Variants in FAXC observed in about 807,000 individuals in gnomAD.
FAXC encodes the protein failed axon connections homolog.
A neutral mutation model predicts 41.9 loss-of-function variants in FAXC; 10 were observed. The observed-to-expected ratio is 0.24, with a 90% CI of 0.15 to 0.41. The LOEUF (loss-of-function observed/expected upper bound fraction) is 0.41. Ranked by LOEUF, FAXC falls within the 10% of genes least tolerant of loss-of-function variation. FAXC has a pLI of 1.00. For missense variants in FAXC, 399 were observed against 510.9 expected, an observed-to-expected ratio of 0.78 and a Z score of 2.11; for synonymous variants, 183 against 183.8, an observed-to-expected ratio of 1.00 and a Z score of 0.03.
rs950763918 is a variant in FAXC at position 99,272,247 on chromosome 6, C to G, written c.*8917G>C. The G allele has an allele frequency of 6.6e-6, 1 of 151,674 alleles. No individual in the cohort carries two copies. The highest frequency in any genetic ancestry group is 6.6e-5 in the Admixed American group (1 of 15,126). The allele number at this position is 151,674 out of a possible 1,614,324, so 9.4% of individuals were successfully genotyped here. On this transcript the variant is annotated 3_prime_UTR_variant, in exon 6 of 6. Transcript: ENST00000389677. ...GCTGGAGTCAATGGCACAAAGTCAG[C>G]TCACTGCAGCCTCCACCTCCTGGGT...
At chr6:99,348,370 A>T (rs1205191846) in intron 1 of FAXC, among the ~76,000 whole-genome samples, 1 of 152,228 alleles carries the variant, frequency 6.6e-6, no homozygotes, top group African/African-American at 2.4e-5. Flanking sequence ...TGGATGTACC[A>T]ACAGCAGGGG....
rs1770776250 is a variant in FAXC, at chr6:99,280,225, C to A, written c.*939G>T. 1 of 152,130 alleles carries A rather than the reference C, an allele frequency of 6.6e-6. No homozygotes were observed. The highest frequency in any genetic ancestry group is 2.4e-5 in the African/African-American group (1 of 41,434). 9.4% of individuals were successfully genotyped at this position (152,130 alleles called of 1,614,324 possible). On this transcript the variant is annotated 3_prime_UTR_variant, in exon 6 of 6. Coordinates refer to ENST00000389677, the MANE Select transcript of FAXC (RefSeq NM_032511.4). ...AATTTGTAAAAACATTTCCAATGTT[C>A]TTTGAACAAAAGATTTTGATTCAGC...
chr6:99,289,352 T>TA (rs1338032268), intron 5 of FAXC, among the ~76,000 whole-genome samples: 1 of 152,130 alleles, frequency 6.6e-6, no homozygotes, highest in South Asian at 2.1e-4. Context: ...CATTGAAAGC[T>TA]AAAAATATCA....
intron 3 of FAXC, among the ~76,000 whole-genome samples, chr6:99,329,196 T>C (rs1316532032): frequency 6.6e-6 from 1 of 152,228 alleles, no homozygotes; most frequent in Non-Finnish European, 1.5e-5. Flanking sequence ...GAAGTTGAAA[T>C]ACTAATTTTC....
At chr6:99,343,243 C>T (rs1773485267) in intron 1 of FAXC, among the ~76,000 whole-genome samples, 1 of 150,388 alleles carries the variant, frequency 6.6e-6, no homozygotes, top group Admixed American at 6.7e-5. Context: ...TCAAGAGAAC[C>T]TTACAAACTC....
At chr6:99,310,030 C>A (rs1772097510) in intron 4 of FAXC, 1 of 269,168 alleles carries the variant, frequency 3.7e-6, no homozygotes, top group African/African-American at 2.3e-5. Flanking sequence ...CTGGCCCGCT[C>A]ACCCATACAA....
At chr6:99,318,652 AC>A (rs1261495427) in intron 4 of FAXC, among the ~76,000 whole-genome samples, 1 of 152,222 alleles carries the variant, frequency 6.6e-6, no homozygotes. Context: ...TATGAGAATA[AC>A]TATTTATTTA....
Position 99,349,452 on chromosome 6 carries a change from C to A in FAXC, c.-80G>T. The A allele has an allele frequency of 1.9e-6, 2 of 1,053,582 alleles. No individual in the cohort carries two copies. The highest frequency in any genetic ancestry group is 2.3e-6 in the Non-Finnish European group (2 of 873,136). The allele number at this position is 1,053,582 out of a possible 1,614,324, so 65.3% of individuals were successfully genotyped here. A position where few individuals can be genotyped will look rare whatever the true frequency, so the allele number is the denominator to read the frequency against. ...AGGGGCCGGCGCGGCCCGGCGCGGG[C>A]TCAGAGGCGCGCGGAGGGCGCGGGC... On this transcript the variant is annotated 5_prime_UTR_variant, in exon 1 of 6. Coordinates refer to ENST00000389677, the MANE Select transcript of FAXC (RefSeq NM_032511.4).
chr6:99,348,997 G>T, intron 1 of FAXC, 110 bp downstream of exon 1: 1 of 1,053,024 alleles, frequency 9.5e-7, no homozygotes, highest in Non-Finnish European at 1.4e-6. Context: ...GGGCGCTTGG[G>T]CATCTGGGCA....
At chr6:99,348,320 C>CT (rs1773669031) in intron 1 of FAXC, among the ~76,000 whole-genome samples, 1 of 152,200 alleles carries the variant, frequency 6.6e-6, no homozygotes, top group African/African-American at 2.4e-5. Flanking sequence ...TCTCAGTGCC[C>CT]TGTGGTATTA....
At chr6:99,294,255 T>C (rs1220607105) in intron 4 of FAXC, among the ~76,000 whole-genome samples, 1 of 152,174 alleles carries the variant, frequency 6.6e-6, no homozygotes, top group Admixed American at 6.5e-5. Context: ...AAAAATCAGA[T>C]ACCATAAGAA....
At position 99,280,959 on chromosome 6, in the gene FAXC, G is replaced by T; in HGVS notation, c.*205C>A. On this transcript the variant is annotated 3_prime_UTR_variant, in exon 6 of 6. Transcript: ENST00000389677. Reference sequence around the variant, plus strand: ...AGGAACCATGCTGACATTATTTTTTGCCTGTTTGTTTTCAATGGAGTCATC... The same window carrying T: ...AGGAACCATGCTGACATTATTTTTTTCCTGTTTGTTTTCAATGGAGTCATC... 3 of 522,096 alleles carry T rather than the reference G, an allele frequency of 5.7e-6. No individual in the cohort carries two copies. Among genetic ancestry groups the T allele is most frequent in the South Asian group, 2.7e-5 (1 of 36,688 alleles). The allele number at this position is 522,096 out of a possible 1,614,324, so 32.3% of individuals were successfully genotyped here.
chr6:99,290,008 C>G (rs1771172328), intron 5 of FAXC, among the ~76,000 whole-genome samples: 1 of 151,516 alleles, frequency 6.6e-6, no homozygotes, highest in Non-Finnish European at 1.5e-5. Context: ...TTCTACTGAA[C>G]AAGTATTGTT....
At chr6:99,332,544 T>C (rs1015191926) in intron 3 of FAXC, among the ~76,000 whole-genome samples, 2 of 152,162 alleles carry the variant, frequency 1.3e-5, no homozygotes, top group Admixed American at 6.5e-5. Context: ...AAGAACCATA[T>C]CTTCTTAACT....
chr6:99,322,819 G>A (rs568866359), intron 4 of FAXC, among the ~76,000 whole-genome samples: 9 of 152,268 alleles, frequency 5.9e-5, no homozygotes, highest in Admixed American at 1.3e-4. Flanking sequence ...TCACCAGCCC[G>A]CGGGTACACA....
In FAXC at chr6:99,333,460, T is replaced by C; in HGVS notation, c.490A>G (p.Ile164Val). The C allele has an allele frequency of 6.2e-7, 1 of 1,614,160 alleles. No homozygotes were observed. Among genetic ancestry groups the C allele is most frequent in the Non-Finnish European group, 8.5e-7 (1 of 1,180,028 alleles). ...CCAAGCTTCTCTTCCAGAAAGTCAATTATGAATTCTGTGCCAGAAACTTTT... is the reference window on the plus strand; with the variant it reads ...CCAAGCTTCTCTTCCAGAAAGTCAACTATGAATTCTGTGCCAGAAACTTTT... ...HEKVSGTEFI[I>V]DFLEEKLGVN... The change falls in exon 3 of 6, where the codon ATT (isoleucine) becomes GTT (valine). Residue 164 changes from isoleucine to valine, a missense_variant. Physicochemically the swap from Ile to Val is conservative, Grantham distance 29 (BLOSUM62 3). Transcript: ENST00000389677.
At position 99,276,287 on chromosome 6, in the gene FAXC, G is replaced by A. The variant is rs1387468579; in HGVS notation, c.*4877C>T. The A allele has an allele frequency of 6.6e-6, 1 of 152,156 alleles. No individual in the cohort carries two copies. The highest frequency in any genetic ancestry group is 1.5e-5 in the Non-Finnish European group (1 of 68,028). 9.4% of individuals were successfully genotyped at this position (152,156 alleles called of 1,614,324 possible). ...TGAATAAATGAATACAGGAAAACCT[G>A]ATTGTGCAGACCTTTCTTCTTTAAG... is the stretch of plus-strand genomic sequence containing the variant. On this transcript the variant is annotated 3_prime_UTR_variant, in exon 6 of 6. Coordinates refer to ENST00000389677, the MANE Select transcript of FAXC (RefSeq NM_032511.4).
intron 4 of FAXC, among the ~76,000 whole-genome samples, chr6:99,321,274 T>C (rs542745211): frequency 2.6e-5 from 4 of 152,324 alleles, no homozygotes; most frequent in African/African-American, 9.6e-5. Context: ...ATGAGTCAGA[T>C]ATACAACCAT....
Position 99,349,469 on chromosome 6 carries a change from G to A in FAXC, c.-97C>T. 1 of 835,660 alleles carries A rather than the reference G, an allele frequency of 1.2e-6. No homozygotes were observed. Among genetic ancestry groups the A allele is most frequent in the Non-Finnish European group, 1.4e-6 (1 of 693,500 alleles). 51.8% of individuals were successfully genotyped at this position (835,660 alleles called of 1,614,324 possible). On this transcript the variant is annotated 5_prime_UTR_variant, in exon 1 of 6. Transcript: ENST00000389677. ...GGCGCGGGCTCAGAGGCGCGCGGAG[G>A]GCGCGGGCGGCGCGGGCGGCGGCGA...
Sources: gnomAD v4.1 joint callset for allele counts (sites outside exome capture counted in the v4.1 genomes callset) on GRCh38, gnomAD v4.1.1 for gene constraint, MANE v1.5 for transcripts, NCBI Gene and HGNC (gene_info 2026-07-23, HGNC 2026-07-21) for gene names.